ABI3BP: variants seen among roughly 807,000 people sequenced by gnomAD.
ABI3BP encodes target of Nesh-SH3.
ABI3BP carries 216 observed loss-of-function variants against 268.6 expected under a neutral mutation model. The ratio of observed to expected loss-of-function variants is 0.80; its 90% CI spans 0.72 to 0.90. ABI3BP has a LOEUF of 0.90. Among genes scored for constraint, ABI3BP ranks in the 40% least tolerant of loss-of-function variants. ABI3BP has a pLI of 0.00. For synonymous variants in ABI3BP, 730 were observed against 730.0 expected, an observed-to-expected ratio of 1.00 and a Z score of 0.00; for missense variants, 2,090 against 2,182.4, an observed-to-expected ratio of 0.96 and a Z score of 0.84.
At chr3:100,931,457 G>A (rs1041578106) in intron 1 of ABI3BP, among the ~76,000 whole-genome samples, 2 of 152,052 alleles carry the variant, frequency 1.3e-5, no homozygotes, top group African/African-American at 4.8e-5. Context: ...AGAAAATCCT[G>A]TAGTCTCTGC....
At chr3:100,938,087 C>A (rs1039628781) in intron 1 of ABI3BP, among the ~76,000 whole-genome samples, 1 of 151,764 alleles carries the variant, frequency 6.6e-6, no homozygotes, top group Non-Finnish European at 1.5e-5. Flanking sequence ...TAAGTGGGGG[C>A]TAAACGATGA....
intron 29 of ABI3BP, among the ~76,000 whole-genome samples, chr3:100,833,835 C>G (rs2098532189): frequency 6.6e-6 from 1 of 152,180 alleles, no homozygotes; most frequent in Non-Finnish European, 1.5e-5. Context: ...CATTACTGTC[C>G]AACTAAAAGA....
intron 9 of ABI3BP, among the ~76,000 whole-genome samples, chr3:100,872,054 C>T (rs533359432): frequency 7.9e-5 from 12 of 152,152 alleles, no homozygotes; most frequent in East Asian, 3.9e-4. Flanking sequence ...ATATTGCCTA[C>T]GCTAGTCTTG....
intron 4 of ABI3BP, among the ~76,000 whole-genome samples, chr3:100,892,082 A>G (rs927821403): frequency 4.6e-5 from 7 of 152,360 alleles, no homozygotes; most frequent in Middle Eastern, 6.8e-3. Flanking sequence ...TTTCATGAGC[A>G]TGACTCAGAT....
chr3:100,917,862 T>C (rs1385472453), intron 2 of ABI3BP, among the ~76,000 whole-genome samples: 1 of 152,224 alleles, frequency 6.6e-6, no homozygotes, highest in African/African-American at 2.4e-5. Context: ...AGGGATGTTT[T>C]CTTTACCAAA....
chr3:100,769,929 T>C (rs1482904889), intron 62 of ABI3BP, among the ~76,000 whole-genome samples: 1 of 152,208 alleles, frequency 6.6e-6, no homozygotes, highest in Non-Finnish European at 1.5e-5. Context: ...GCTGCTGTTT[T>C]CCATGTGCAG....
intron 58 of ABI3BP, 74 bp downstream of exon 58, chr3:100,780,058 C>T: frequency 4.8e-6 from 7 of 1,452,530 alleles, no homozygotes; most frequent in South Asian, 3.5e-5. Context: ...GTTTTTGCCA[C>T]CAGGAATGAT....
Position 100,775,264 on chromosome 3 carries a change from C to T in ABI3BP, c.4405G>A (p.Glu1469Lys), listed in dbSNP as rs571664345. ...STPRPTGTPL[E>K]RIETDIKQPT... ...TGCTTTATATCTGTCTCTATTCTCT[C>T]CAAGGGAGTTCCAGTAGGCCTGGGT... The change falls in exon 60 of 68, where the codon GAG becomes AAG. Residue 1469 changes from glutamate to lysine, a missense_variant. Coordinates refer to ENST00000471714, the MANE Select transcript of ABI3BP (RefSeq NM_001375547.2). The T allele has an allele frequency of 5.0e-6, 8 of 1,610,974 alleles. No individual in the cohort carries two copies. The South Asian group carries it at 7.8e-5, about 16-fold the overall frequency.
chr3:100,841,608 G>A (rs1041781620), intron 21 of ABI3BP, among the ~76,000 whole-genome samples: 2 of 152,078 alleles, frequency 1.3e-5, no homozygotes, highest in South Asian at 4.1e-4. Flanking sequence ...GAAATATTAG[G>A]CTGGGCACAG....
intron 1 of ABI3BP, among the ~76,000 whole-genome samples, chr3:100,986,387 C>T (rs1168374462): frequency 2.6e-5 from 4 of 152,288 alleles, no homozygotes; most frequent in Non-Finnish European, 4.4e-5. Flanking sequence ...CAGGCTCAGA[C>T]TCCTAACTCA....
chr3:100,969,308 T>C (rs1346467668), intron 1 of ABI3BP, among the ~76,000 whole-genome samples: 1 of 152,178 alleles, frequency 6.6e-6, no homozygotes, highest in Non-Finnish European at 1.5e-5. Context: ...AGGCCAAGTG[T>C]GGTTAGATGA....
At position 100,749,343 on chromosome 3, in the gene ABI3BP, A is replaced by T. The variant is rs1479004880; in HGVS notation, c.*1152T>A. 4 of 177,824 alleles carry T rather than the reference A, an allele frequency of 2.2e-5. No homozygotes were observed. Among genetic ancestry groups the T allele is most frequent in the Non-Finnish European group, 4.0e-5 (4 of 99,008 alleles). The allele number at this position is 177,824 out of a possible 1,614,324, so 11.0% of individuals were successfully genotyped here. ...CAAACAAAAACTCAATCTTAAAAAA[A>T]AACTACATCTCTTTATTGCAGAATT... is the stretch of plus-strand genomic sequence containing the variant. On this transcript the variant is annotated 3_prime_UTR_variant, in exon 68 of 68. Transcript: ENST00000471714.
chr3:100,893,332 T>A (rs1224215165), intron 4 of ABI3BP, among the ~76,000 whole-genome samples: 1 of 152,102 alleles, frequency 6.6e-6, no homozygotes, highest in African/African-American at 2.4e-5. Flanking sequence ...GACGGCCTGT[T>A]ATGAAACCTC....
At chr3:100,929,006 G>C (rs939930365) in intron 1 of ABI3BP, among the ~76,000 whole-genome samples, 2 of 151,984 alleles carry the variant, frequency 1.3e-5, no homozygotes, top group Non-Finnish European at 2.9e-5. Flanking sequence ...AATGTGCCTA[G>C]ATTAACTCTA....
chr3:100,934,562 T>C (rs1276037601), intron 1 of ABI3BP, among the ~76,000 whole-genome samples: 1 of 152,190 alleles, frequency 6.6e-6, no homozygotes, highest in Non-Finnish European at 1.5e-5. Flanking sequence ...CACCACACTG[T>C]CTTCCACAAT....
intron 2 of ABI3BP, among the ~76,000 whole-genome samples, chr3:100,909,025 A>T (rs1045684227): frequency 6.6e-6 from 1 of 152,196 alleles, no homozygotes. Flanking sequence ...AGGCTACATT[A>T]ACCAAAACAG....
intron 24 of ABI3BP, among the ~76,000 whole-genome samples, 156 bp from the exon 25 acceptor site, chr3:100,838,620 C>T (rs1436240408): frequency 6.6e-6 from 1 of 152,108 alleles, no homozygotes; most frequent in South Asian, 2.1e-4. Context: ...ATTTTAACTA[C>T]ACACTAGCAT....
intron 1 of ABI3BP, among the ~76,000 whole-genome samples, chr3:100,991,293 T>G (rs1043215523): frequency 2.8e-5 from 4 of 142,048 alleles, no homozygotes; most frequent in Non-Finnish European, 6.2e-5. Flanking sequence ...TAAAAACTTT[T>G]ACTCTTTTTT....
intron 1 of ABI3BP, among the ~76,000 whole-genome samples, chr3:100,985,141 CTTTTT>C (rs1172049956): frequency 3.6e-4 from 29 of 79,852 alleles, no homozygotes; most frequent in African/African-American, 1.4e-3. Flanking sequence ...CAGAAAAGCA[CTTTTT>C]TTTTTTTTTT....
Sources: gnomAD v4.1 joint callset for allele counts (sites outside exome capture counted in the v4.1 genomes callset) on GRCh38, gnomAD v4.1.1 for gene constraint, MANE v1.5 for transcripts, NCBI Gene and HGNC (gene_info 2026-07-23, HGNC 2026-07-21) for gene names.